SLC12A8: variants seen among roughly 807,000 people sequenced by gnomAD.
SLC12A8 encodes cation-chloride cotransporter 9.
A neutral mutation model predicts 75.6 loss-of-function variants in SLC12A8; 69 were observed. The ratio of observed to expected loss-of-function variants is 0.91; its 90% CI spans 0.75 to 1.11. The LOEUF is 1.11. Among genes scored for constraint, SLC12A8 ranks in the 50% most tolerant of loss-of-function variants. The pLI is 0.00. For synonymous variants in SLC12A8, 365 were observed against 372.8 expected (o/e 0.98, Z 0.24); for missense variants, 877 against 896.7 (o/e 0.98, Z 0.28).
chr3:125,098,628 T>G (rs1327848031), intron 10 of SLC12A8, among the ~76,000 whole-genome samples: 1 of 149,964 alleles, frequency 6.7e-6, no homozygotes, highest in Non-Finnish European at 1.5e-5. Context: ...CCAAAACACT[T>G]ACTTCAGAGC....
chr3:125,167,980 T>A lies in SLC12A8; in HGVS notation c.622+9763A>T, dbSNP rs144711712. Reference sequence around the variant, plus strand: ...GCAATAGAAAGCAACTGATGCTGCTTAAGCTGGAGAGTGACCGAGGCAAAG... The same window carrying A: ...GCAATAGAAAGCAACTGATGCTGCTAAAGCTGGAGAGTGACCGAGGCAAAG... On this transcript the variant is annotated intron_variant, in intron 5 of 13. Coordinates refer to ENST00000469902, the MANE Select transcript of SLC12A8 (RefSeq NM_024628.6). 1.1e-4 allele frequency among the ~76,000 whole-genome samples: 16 copies of A among 152,378 alleles called. No individual in the cohort carries two copies. In the East Asian group the frequency reaches 3.1e-3, roughly 29 times the overall value.
intron 5 of SLC12A8, among the ~76,000 whole-genome samples, chr3:125,137,022 G>A (rs368827907): frequency 5.8e-4 from 88 of 152,168 alleles, no homozygotes; most frequent in African/African-American, 2.0e-3. Flanking sequence ...CTGTAGTCCC[G>A]TAGGATGGGT....
At chr3:125,119,968 C>T (rs1015386676) in intron 7 of SLC12A8, 14 of 453,850 alleles carry the variant, frequency 3.1e-5, no homozygotes, top group South Asian at 1.6e-4. Flanking sequence ...GTGTGGGTGG[C>T]ACAGTGTGAA....
Position 125,091,460 on chromosome 3 carries a change from C to A in SLC12A8, c.1900G>T (p.Ala634Ser), listed in dbSNP as rs766607584. ...TTACCAAGGTGAAGCCCTGGACTGG[C>A]CCGGCCAATGTAGAAATACACGATG... ...AAIVYFYIGRASPGLHLGSAS... is the reference protein window; with the variant it reads ...AAIVYFYIGRSSPGLHLGSAS... The change falls in exon 12 of 14, where the codon GCC (alanine) becomes TCC (serine). Residue 634 changes from alanine to serine, a missense_variant. Ala to Ser is a moderately conservative substitution (Grantham distance 99). Transcript: ENST00000469902. The A allele has an allele frequency of 6.2e-7, 1 of 1,613,686 alleles. No individual in the cohort carries two copies. Among genetic ancestry groups the A allele is most frequent in the South Asian group, 1.1e-5 (1 of 91,054 alleles).
chr3:125,130,549 A>G (rs574397435), intron 6 of SLC12A8, among the ~76,000 whole-genome samples: 8 of 151,958 alleles, frequency 5.3e-5, no homozygotes, highest in African/African-American at 1.7e-4. Context: ...CTGAGATCAC[A>G]CCACTGCACT....
At chr3:125,138,845 AACACACACACACACACACACACACACAC>A (rs3061221) in intron 5 of SLC12A8, among the ~76,000 whole-genome samples, 3 of 137,746 alleles carry the variant, frequency 2.2e-5, no homozygotes, top group Non-Finnish European at 4.7e-5. Context: ...CCTTCTACAA[AACACACACACACACACACACACACACAC>A]ACACACACAC....
intron 5 of SLC12A8, among the ~76,000 whole-genome samples, chr3:125,146,536 T>G (rs1209526866): frequency 6.6e-6 from 1 of 152,210 alleles, no homozygotes; most frequent in Non-Finnish European, 1.5e-5. Context: ...CCAGGGATCC[T>G]CAGAGATGGC....
chr3:125,197,569 G>C (rs142669703), intron 2 of SLC12A8, among the ~76,000 whole-genome samples: 29 of 152,324 alleles, frequency 1.9e-4, no homozygotes, highest in Middle Eastern at 3.4e-3. Flanking sequence ...TGGGATTACA[G>C]GTGTGAGCCA....
chr3:125,110,107 G>T, intron 9 of SLC12A8, 82 bp downstream of exon 9: 1 of 1,428,304 alleles, frequency 7.0e-7, no homozygotes, highest in Non-Finnish European at 9.6e-7. Context: ...GATCAGAAAA[G>T]CTTAACCAAT....
At chr3:125,128,721 G>C (rs1933280231) in intron 6 of SLC12A8, among the ~76,000 whole-genome samples, 1 of 152,172 alleles carries the variant, frequency 6.6e-6, no homozygotes, top group Non-Finnish European at 1.5e-5. Flanking sequence ...CCCATCTTCA[G>C]ACTGTCCCTA....
chr3:125,118,844 G>A lies in SLC12A8; in HGVS notation c.837C>T (p.Tyr279=). 1.2e-6 allele frequency: 2 copies of A among 1,612,956 alleles called. No homozygotes were observed. The highest frequency in any genetic ancestry group is 1.1e-5 in the South Asian group (1 of 91,020). Residue 279 remains tyrosine (Y), a synonymous_variant, in exon 8 of 14, where the codon TAC becomes TAT. Coordinates refer to ENST00000469902, the MANE Select transcript of SLC12A8 (RefSeq NM_024628.6). ...LAAVGISWFL[Y]IIFVFLLGAI... is the part of the protein sequence containing the mutation. ...CGCCCAGGAGGAAGACGAAGATGATGTACAGAAACCACCTGCAAAACCCAA... is the reference window on the plus strand; with the variant it reads ...CGCCCAGGAGGAAGACGAAGATGATATACAGAAACCACCTGCAAAACCCAA...
At chr3:125,149,684 C>A (rs1488546976) in intron 5 of SLC12A8, among the ~76,000 whole-genome samples, 1 of 151,266 alleles carries the variant, frequency 6.6e-6, no homozygotes, top group African/African-American at 2.4e-5. Flanking sequence ...CCTATTCAGG[C>A]CAGGAAGGGA....
intron 5 of SLC12A8, among the ~76,000 whole-genome samples, chr3:125,163,855 C>A (rs1934231346): frequency 6.6e-6 from 1 of 152,218 alleles, no homozygotes; most frequent in Admixed American, 6.5e-5. Flanking sequence ...AAGCTGGCCT[C>A]ACCCTGTGTG....
At chr3:125,092,455 T>C (rs1938607756) in intron 10 of SLC12A8, among the ~76,000 whole-genome samples, 1 of 152,102 alleles carries the variant, frequency 6.6e-6, no homozygotes, top group Admixed American at 6.5e-5. Context: ...TCCAGATATG[T>C]CATCTGGGGC....
At chr3:125,162,923 A>T (rs1934205595) in intron 5 of SLC12A8, among the ~76,000 whole-genome samples, 1 of 152,210 alleles carries the variant, frequency 6.6e-6, no homozygotes. Context: ...AACCAGAAAA[A>T]GAGGAAGAGG....
chr3:125,106,421 G>A (rs1008681136), intron 10 of SLC12A8, among the ~76,000 whole-genome samples: 4 of 151,922 alleles, frequency 2.6e-5, no homozygotes, highest in African/African-American at 7.3e-5. Flanking sequence ...GGAGTGCAGT[G>A]TCATGATCTT....
chr3:125,188,644 A>G (rs1445848725), intron 3 of SLC12A8, among the ~76,000 whole-genome samples: 1 of 152,246 alleles, frequency 6.6e-6, no homozygotes, highest in Non-Finnish European at 1.5e-5. Context: ...ATAGAAAGCA[A>G]GGAAGACTCC....
intron 5 of SLC12A8, among the ~76,000 whole-genome samples, chr3:125,139,883 C>T (rs1933587356): frequency 6.6e-6 from 1 of 152,182 alleles, no homozygotes; most frequent in Non-Finnish European, 1.5e-5. Context: ...GTCCCTGTCC[C>T]CATAGACACC....
rs974264252 is a variant in SLC12A8, at chr3:125,119,988, C to A, written c.824+611G>T. ...GGTGGCACAGTGTGAACTAAAACCC[C>A]AGAGGCCTGACGGCCTGGGGGAGCT... On this transcript the variant is annotated intron_variant, in intron 7 of 13. Transcript: ENST00000469902. 6.6e-5 allele frequency: 29 copies of A among 438,566 alleles called. No individual in the cohort carries two copies. In the Admixed American group the frequency reaches 6.8e-4, roughly 10 times the overall value. 27.2% of individuals were successfully genotyped at this position (438,566 alleles called of 1,614,324 possible).
Sources: gnomAD v4.1 joint callset for allele counts (sites outside exome capture counted in the v4.1 genomes callset) on GRCh38, gnomAD v4.1.1 for gene constraint, MANE v1.5 for transcripts, NCBI Gene and HGNC (gene_info 2026-07-23, HGNC 2026-07-21) for gene names.